The following HEPACAM variants were observed in gnomAD, a reference collection of about 807,000 sequenced individuals.
HEPACAM encodes hepatic and glial cell adhesion molecule.
Under a neutral mutation model 38.3 loss-of-function variants are expected in HEPACAM, and 18 were observed. The ratio of observed to expected loss-of-function variants is 0.47; its 90% CI spans 0.33 to 0.70. HEPACAM has a LOEUF of 0.70. Ranked by LOEUF, HEPACAM falls within the 30% of genes least tolerant of loss-of-function variation. The probability of loss-of-function intolerance (pLI) is 0.03; values close to 1 mark genes in which losing one functional copy is unlikely to be tolerated. For missense variants in HEPACAM, 466 were observed against 563.0 expected (o/e 0.83, Z 1.74); for synonymous variants, 216 against 243.1 (o/e 0.89, Z 1.04).
Position 124,921,150 on chromosome 11 carries a change from C to A in HEPACAM, c.1239G>T (p.Glu413Asp), listed in dbSNP as rs1289915509. ...ATCCCGAGGCGGCTCAGGCGCTGATCTCCACCGGGCCGGCCTCGTCTTGCT... is the reference window on the plus strand; with the variant it reads ...ATCCCGAGGCGGCTCAGGCGCTGATATCCACCGGGCCGGCCTCGTCTTGCT... ...IREQDEAGPV[E>D]ISA Residue 413 changes from glutamate to aspartate, a missense_variant, in exon 7 of 7, where the codon GAG becomes GAT. Glu to Asp is a conservative substitution (Grantham distance 45). Transcript: ENST00000298251. The surrounding 1 kb of genome is among the most constrained non-coding windows in gnomAD (Gnocchi z 4.6). 5.2e-6 allele frequency: 8 copies of A among 1,527,234 alleles called. No individual in the cohort carries two copies. The highest frequency in any genetic ancestry group is 6.1e-6 in the Non-Finnish European group (7 of 1,144,184). 94.6% of individuals were successfully genotyped at this position (1,527,234 alleles called of 1,614,324 possible).
At chr11:124,927,169 C>T (rs1237225004) in intron 1 of HEPACAM, among the ~76,000 whole-genome samples, 1 of 152,028 alleles carries the variant, frequency 6.6e-6, no homozygotes, top group East Asian at 1.9e-4. Context: ...TGCGTGGTTA[C>T]TAAACATATT....
Position 124,920,506 on chromosome 11 carries a change from T to C in HEPACAM, c.*632A>G, listed in dbSNP as rs1284521355. On this transcript the variant is annotated 3_prime_UTR_variant, in exon 7 of 7. Coordinates refer to ENST00000298251, the MANE Select transcript of HEPACAM (RefSeq NM_152722.5). ...AGGGAAAAGGAATGTACTCGTACCC[T>C]TCCCTCACCACCTTGTAGGTCCCCA... 6.8e-7 allele frequency: 1 copy of C among 1,477,106 alleles called. No homozygotes were observed. Among genetic ancestry groups the C allele is most frequent in the Non-Finnish European group, 9.1e-7 (1 of 1,102,478 alleles). The allele number at this position is 1,477,106 out of a possible 1,614,324, so 91.5% of individuals were successfully genotyped here. A position where few individuals can be genotyped will look rare whatever the true frequency, so the allele number is the denominator to read the frequency against.
intron 6 of HEPACAM, among the ~76,000 whole-genome samples, chr11:124,922,006 A>G (rs1947146344): frequency 6.6e-6 from 1 of 152,220 alleles, no homozygotes; most frequent in Non-Finnish European, 1.5e-5. Flanking sequence ...GCCAGAGAGC[A>G]AAGCTTCATA....
intron 3 of HEPACAM, 145 bp downstream of exon 3, chr11:124,923,584 C>A: frequency 8.7e-7 from 1 of 1,155,410 alleles, no homozygotes; most frequent in Non-Finnish European, 1.3e-6. Flanking sequence ...AACCCACTGG[C>A]TACCTGTTGG....
chr11:124,935,807 T>C (rs896944864), intron 1 of HEPACAM, 115 bp downstream of exon 1: 25 of 830,930 alleles, frequency 3.0e-5, no homozygotes, highest in Non-Finnish European at 4.9e-5. Flanking sequence ...CCACGGCAGC[T>C]GAACTCTCCC....
chr11:124,935,612 G>A (rs1411559816), intron 1 of HEPACAM, among the ~76,000 whole-genome samples: 1 of 152,196 alleles, frequency 6.6e-6, no homozygotes, highest in Admixed American at 6.5e-5. Flanking sequence ...AAGAATGCCA[G>A]ACTGGCCCAC....
In HEPACAM at chr11:124,920,678, C is replaced by CAAAAAAAA. The variant is rs71042463; in HGVS notation, c.*452_*459dup. On this transcript the variant is annotated 3_prime_UTR_variant, in exon 7 of 7. Coordinates refer to ENST00000298251, the MANE Select transcript of HEPACAM (RefSeq NM_152722.5). ...AAGTGGCCTCTCTAATCTGAACTTG[C>CAAAAAAAA]AAAAAAAAAAAAAAAAAAAAAAAAA... 8.2e-4 allele frequency: 473 copies of CAAAAAAAA among 574,498 alleles called. 3 individuals are homozygous for CAAAAAAAA. Among genetic ancestry groups the CAAAAAAAA allele is most frequent in the Non-Finnish European group, 8.6e-4 (440 of 510,776 alleles). The allele number at this position is 574,498 out of a possible 1,614,324, so 35.6% of individuals were successfully genotyped here.
At position 124,923,922 on chromosome 11, in the gene HEPACAM, A is replaced by G; in HGVS notation, c.516T>C (p.Asn172=). The G allele has an allele frequency of 1.2e-6, 2 of 1,613,322 alleles. No homozygotes were observed. The highest frequency in any genetic ancestry group is 1.7e-6 in the Non-Finnish European group (2 of 1,179,988). Reference sequence around the variant, plus strand: ...GCCAGGTGTAGCTGGGCTTGGTGCCATTCTCATGTGAGCAGTTCAAGGTGA... The same window carrying G: ...GCCAGGTGTAGCTGGGCTTGGTGCCGTTCTCATGTGAGCAGTTCAAGGTGA... The part of the protein sequence containing the change: ...EAFTLNCSHE[N]GTKPSYTWLK... The change falls in exon 3 of 7, where the codon AAT becomes AAC. Residue 172 remains asparagine, a synonymous_variant. Coordinates refer to ENST00000298251, the MANE Select transcript of HEPACAM (RefSeq NM_152722.5).
At position 124,924,925 on chromosome 11, in the gene HEPACAM, A is replaced by G; in HGVS notation, c.230T>C (p.Val77Ala). 1 of 1,614,184 alleles carries G rather than the reference A, an allele frequency of 6.2e-7. No homozygotes were observed. Among genetic ancestry groups the G allele is most frequent in the Non-Finnish European group, 8.5e-7 (1 of 1,180,038 alleles). Residue 77 changes from valine (V) to alanine (A), a missense_variant, in exon 2 of 7, where the codon GTG (valine) becomes GCG (alanine). By Grantham distance (64) the Val-to-Ala change is moderately conservative. Transcript: ENST00000298251. The surrounding 1 kb of genome is among the most constrained non-coding windows in gnomAD (Gnocchi z 4.4). ...TGTGCCAATGGACTGCACCACGGTC[A>G]CTGGCTTGTCCCGCTTCAGCTGCCA... ...VKWQLKRDKP[V>A]TVVQSIGTEV...
At chr11:124,922,279 T>G in intron 6 of HEPACAM, 109 bp downstream of exon 6, 2 of 1,193,448 alleles carry the variant, frequency 1.7e-6, no homozygotes, top group Non-Finnish European at 2.5e-6. Context: ...GCCAAAACCG[T>G]TGGGGACTGC....
intron 1 of HEPACAM, among the ~76,000 whole-genome samples, chr11:124,927,704 G>C (rs1341990543): frequency 6.6e-6 from 1 of 151,832 alleles, no homozygotes; most frequent in African/African-American, 2.4e-5. Flanking sequence ...TTACTTGCCA[G>C]GAATGTTAGA....
At chr11:124,926,752 C>T (rs1947215742) in intron 1 of HEPACAM, among the ~76,000 whole-genome samples, 2 of 152,194 alleles carry the variant, frequency 1.3e-5, no homozygotes, top group Admixed American at 6.5e-5. Flanking sequence ...TGCTGCCATT[C>T]AGTTGAGGAA....
rs188564907 is a variant in HEPACAM at position 124,928,063 on chromosome 11, C to G, written c.86-2994G>C. Reference sequence around the variant, plus strand: ...GACTTTTAAAAATTAATGATACTTTCTTCCCACAAAATCTTAAATAAAAAT... The same window carrying G: ...GACTTTTAAAAATTAATGATACTTTGTTCCCACAAAATCTTAAATAAAAAT... On this transcript the variant is annotated intron_variant, in intron 1 of 6. Transcript: ENST00000298251. Among the ~76,000 whole-genome samples the G allele has an allele frequency of 2.0e-4, 30 of 152,298 alleles. No individual in the cohort carries two copies. In the East Asian group the frequency reaches 5.2e-3, roughly 26 times the overall value.
Position 124,924,546 on chromosome 11 carries a change from G to A in HEPACAM, c.427+182C>T, listed in dbSNP as rs1947182286. The A allele has an allele frequency of 2.9e-6, 2 of 698,668 alleles. No homozygotes were observed. The highest frequency in any genetic ancestry group is 3.5e-5 in the African/African-American group (2 of 57,534). The allele number at this position is 698,668 out of a possible 1,614,324, so 43.3% of individuals were successfully genotyped here. A position where few individuals can be genotyped will look rare whatever the true frequency, so the allele number is the denominator to read the frequency against. On this transcript the variant is annotated intron_variant, in intron 2 of 6. Coordinates refer to ENST00000298251, the MANE Select transcript of HEPACAM (RefSeq NM_152722.5). The surrounding 1 kb of genome is among the most constrained non-coding windows in gnomAD (Gnocchi z 4.4). Reference sequence around the variant, plus strand: ...CACTTAGAATAGTTTCTGGCACATGGCAATCACTCTACATGTTAGCTGTGC... The same window carrying A: ...CACTTAGAATAGTTTCTGGCACATGACAATCACTCTACATGTTAGCTGTGC...
chr11:124,922,250 C>T (rs1947149764), intron 6 of HEPACAM, 138 bp downstream of exon 6: 4 of 959,328 alleles, frequency 4.2e-6, no homozygotes, highest in Non-Finnish European at 5.1e-6. Context: ...AATTTTCTTC[C>T]TTGAAACCAG....
chr11:124,919,985 C>A lies in HEPACAM; in HGVS notation c.*1153G>T, dbSNP rs200260330. 3 of 1,613,428 alleles carry A rather than the reference C, an allele frequency of 1.9e-6. No homozygotes were observed. The highest frequency in any genetic ancestry group is 1.3e-5 in the African/African-American group (1 of 74,994). ...GCATGGGCATGTCCTGGCTACACAG[C>A]GGCCCAGCCTCTTTATTTTGATGTT... On this transcript the variant is annotated 3_prime_UTR_variant, in exon 7 of 7. Coordinates refer to ENST00000298251, the MANE Select transcript of HEPACAM (RefSeq NM_152722.5).
chr11:124,925,273 C>CAT lies in HEPACAM; in HGVS notation c.86-206_86-205dup, dbSNP rs552478683. 5.3e-5 allele frequency among the ~76,000 whole-genome samples: 8 copies of CAT among 152,352 alleles called. No individual in the cohort carries two copies. In the East Asian group the frequency reaches 1.5e-3, roughly 29 times the overall value. ...CTGCCCCTTTGTTCTCTCTCACAGC[C>CAT]ATCTCATGGCCTTCAATGCTTTTTC... On this transcript the variant is annotated intron_variant, in intron 1 of 6. Transcript: ENST00000298251.
rs569847840 is a variant in HEPACAM, at chr11:124,927,402, G to C, written c.86-2333C>G. Reference sequence around the variant, plus strand: ...CTGTTACCCAGACTGAAGTGCAGTGGGGCGATCTTGGCTAACTGCAACCTC... The same window carrying C: ...CTGTTACCCAGACTGAAGTGCAGTGCGGCGATCTTGGCTAACTGCAACCTC... On this transcript the variant is annotated intron_variant, in intron 1 of 6. Coordinates refer to ENST00000298251, the MANE Select transcript of HEPACAM (RefSeq NM_152722.5). Among the ~76,000 whole-genome samples the C allele has an allele frequency of 1.5e-4, 23 of 151,756 alleles. 1 individual carries two copies. The South Asian group carries it at 4.8e-3, about 32-fold the overall frequency.
chr11:124,922,647 T>G, intron 5 of HEPACAM, 98 bp downstream of exon 5: 1 of 1,613,880 alleles, frequency 6.2e-7, no homozygotes, highest in African/African-American at 1.3e-5. Context: ...GAAGGGTCCC[T>G]GCAGAGCTGT....
Sources: gnomAD v4.1 joint callset for allele counts (sites outside exome capture counted in the v4.1 genomes callset) on GRCh38, gnomAD v4.1.1 for gene constraint, Gnocchi (gnomAD v3.1) non-coding constraint, MANE v1.5 for transcripts, NCBI Gene and HGNC (gene_info 2026-07-23, HGNC 2026-07-21) for gene names.